Variants in PTPRQ observed in about 807,000 individuals in gnomAD.
The protein encoded by PTPRQ is protein tyrosine phosphatase receptor type Q.
In PTPRQ, 199 loss-of-function variants were observed where a neutral mutation model predicts 246.0. The observed-to-expected ratio is 0.81, with a 90% CI of 0.72 to 0.91. PTPRQ has a LOEUF of 0.91. Among genes scored for constraint, PTPRQ ranks in the 40% least tolerant of loss-of-function variants. The pLI is 0.00. For missense variants in PTPRQ, 2,624 were observed against 2,528.4 expected (o/e 1.04, Z -0.81); for synonymous variants, 869 against 853.2 (o/e 1.02, Z -0.32).
intron 27 of PTPRQ, 144 bp downstream of exon 27, chr12:80,605,324 C>A (rs1337455097): frequency 1.3e-5 from 14 of 1,071,846 alleles, no homozygotes; most frequent in Non-Finnish European, 1.8e-5. Flanking sequence ...ATGTCTACAT[C>A]TGTAAAGATT....
intron 2 of PTPRQ, 137 bp downstream of exon 2, chr12:80,444,986 G>A (rs1892509659): frequency 9.9e-7 from 1 of 1,010,364 alleles, no homozygotes; most frequent in Admixed American, 3.5e-5. Flanking sequence ...ATGGAAACAA[G>A]AAAGTGATCT....
chr12:80,654,380 T>A (rs1027831029), intron 38 of PTPRQ, among the ~76,000 whole-genome samples: 2 of 152,346 alleles, frequency 1.3e-5, no homozygotes, highest in Non-Finnish European at 2.9e-5. Flanking sequence ...TAACCTAGGT[T>A]GGATGCAATG....
chr12:80,450,975 C>G (rs796299639), intron 3 of PTPRQ, among the ~76,000 whole-genome samples: 2 of 152,186 alleles, frequency 1.3e-5, no homozygotes, highest in Non-Finnish European at 2.9e-5. Flanking sequence ...CCTTGTACCT[C>G]TGGTAGAATT....
intron 38 of PTPRQ, among the ~76,000 whole-genome samples, chr12:80,653,583 T>C (rs1050812912): frequency 6.6e-6 from 1 of 152,188 alleles, no homozygotes; most frequent in Admixed American, 6.5e-5. Context: ...TTAAAGATAA[T>C]ATACATCTGT....
chr12:80,584,969 G>C (rs17006938), intron 25 of PTPRQ, among the ~76,000 whole-genome samples: 1 of 151,476 alleles, frequency 6.6e-6, no homozygotes, highest in Non-Finnish European at 1.5e-5. Context: ...TAAATAGTGT[G>C]CCAGTTTTGG....
chr12:80,608,199 A>G (rs894218619), intron 27 of PTPRQ, among the ~76,000 whole-genome samples: 6 of 150,654 alleles, frequency 4.0e-5, no homozygotes, highest in Non-Finnish European at 8.9e-5. Context: ...CTAATTGCTG[A>G]TAATGAATAT....
chr12:80,552,989 C>T lies in PTPRQ; in HGVS notation c.4285+3255C>T, dbSNP rs139223701. ...GAATTTGGGAACCACTCATTTCCAC[C>T]GCAAACTCTTTGCTTGTAGGAACCA... On this transcript the variant is annotated intron_variant, in intron 25 of 44. Transcript: ENST00000644991. Among the ~76,000 whole-genome samples the T allele has an allele frequency of 9.5e-4, 144 of 151,942 alleles. 3 individuals are homozygous for T. Among genetic ancestry groups the T allele is most frequent in the African/African-American group, 3.1e-3 (130 of 41,458 alleles).
At chr12:80,479,573 C>T (rs1378641176) in intron 8 of PTPRQ, among the ~76,000 whole-genome samples, 1 of 144,808 alleles carries the variant, frequency 6.9e-6, no homozygotes, top group East Asian at 2.0e-4. Flanking sequence ...TTAAAAGACA[C>T]AGACTGGCAA....
chr12:80,642,457 T>G (rs1899899651), intron 35 of PTPRQ, among the ~76,000 whole-genome samples: 1 of 152,166 alleles, frequency 6.6e-6, no homozygotes, highest in African/African-American at 2.4e-5. Flanking sequence ...AAAAGAAGAC[T>G]TCTGGCAAGA....
chr12:80,473,785 T>A (rs1893728334), intron 8 of PTPRQ, among the ~76,000 whole-genome samples: 1 of 152,224 alleles, frequency 6.6e-6, no homozygotes, highest in Non-Finnish European at 1.5e-5. Context: ...CATAGTTCAG[T>A]ATATTTCACA....
chr12:80,582,111 G>A (rs888996366), intron 25 of PTPRQ, among the ~76,000 whole-genome samples: 11 of 152,156 alleles, frequency 7.2e-5, no homozygotes, highest in African/African-American at 2.4e-4. Flanking sequence ...CTTGTTTACT[G>A]CAAATATTGG....
At chr12:80,469,268 G>GT (rs1377395165) in intron 7 of PTPRQ, among the ~76,000 whole-genome samples, 1 of 152,088 alleles carries the variant, frequency 6.6e-6, no homozygotes, top group African/African-American at 2.4e-5. Flanking sequence ...GAAAATCTCT[G>GT]TATCTTCTGC....
chr12:80,662,265 A>G (rs566849095), intron 39 of PTPRQ, among the ~76,000 whole-genome samples: 24 of 152,094 alleles, frequency 1.6e-4, no homozygotes, highest in African/African-American at 5.8e-4. Flanking sequence ...ACTGGATATA[A>G]CTGAATAACT....
chr12:80,509,836 G>A (rs1042401820), intron 16 of PTPRQ, among the ~76,000 whole-genome samples: 2 of 152,088 alleles, frequency 1.3e-5, no homozygotes, highest in Non-Finnish European at 2.9e-5. Context: ...ACACAACAGA[G>A]ATTGAGGAAT....
At chr12:80,468,227 T>G (rs12296663) in intron 6 of PTPRQ, among the ~76,000 whole-genome samples, 149 of 152,208 alleles carry the variant, frequency 9.8e-4, no homozygotes, top group African/African-American at 3.5e-3. Flanking sequence ...GTTCTTAGAA[T>G]AAATACAAAT....
chr12:80,474,596 A>G (rs1257981084), intron 8 of PTPRQ, among the ~76,000 whole-genome samples: 1 of 152,228 alleles, frequency 6.6e-6, no homozygotes, highest in Non-Finnish European at 1.5e-5. Context: ...TGATGAGTAG[A>G]TTTCTGCATA....
chr12:80,496,598 C>T lies in PTPRQ; in HGVS notation c.2272+67C>T. ...ATATAGTAAGCAAAGCTGATAATCG[C>T]CATGTTGTTTACATTTTACATAACC... On this transcript the variant is annotated intron_variant, in intron 14 of 44. Transcript: ENST00000644991. 3 of 1,470,270 alleles carry T rather than the reference C, an allele frequency of 2.0e-6. No individual in the cohort carries two copies. The South Asian group carries it at 4.2e-5, about 21-fold the overall frequency. 91.1% of individuals were successfully genotyped at this position (1,470,270 alleles called of 1,614,324 possible).
At chr12:80,528,429 A>C (rs973453248) in intron 17 of PTPRQ, among the ~76,000 whole-genome samples, 1 of 152,120 alleles carries the variant, frequency 6.6e-6, no homozygotes, top group Non-Finnish European at 1.5e-5. Flanking sequence ...GCCCTCAATA[A>C]ATACTTGTTG....
At position 80,539,840 on chromosome 12, in the gene PTPRQ, A is replaced by G. The variant is rs1421695942; in HGVS notation, c.3050A>G (p.Lys1017Arg). 2 of 1,549,062 alleles carry G rather than the reference A, an allele frequency of 1.3e-6. No individual in the cohort carries two copies. Among genetic ancestry groups the G allele is most frequent in the Non-Finnish European group, 1.7e-6 (2 of 1,145,850 alleles). The change falls in exon 20 of 45, where the codon AAA becomes AGA. Residue 1017 changes from lysine (K) to arginine (R), a missense_variant. Transcript: ENST00000644991. ...ATGACTGTATCCACAATTATAGATA[A>G]ACTGACAATATTCAGCTACTATACA... ...DNMTVSTIIDKLTIFSYYTFW... is the reference protein window; with the variant it reads ...DNMTVSTIIDRLTIFSYYTFW...
Sources: gnomAD v4.1 joint callset for allele counts (sites outside exome capture counted in the v4.1 genomes callset) on GRCh38, gnomAD v4.1.1 for gene constraint, MANE v1.5 for transcripts, NCBI Gene and HGNC (gene_info 2026-07-23, HGNC 2026-07-21) for gene names.